ANKRD55: variants seen among roughly 807,000 people sequenced by gnomAD.
ANKRD55 encodes the protein ankyrin repeat domain-containing protein 55.
A neutral mutation model predicts 60.6 loss-of-function variants in ANKRD55; 41 were observed. The ratio of observed to expected loss-of-function variants is 0.68; its 90% CI spans 0.53 to 0.88. The LOEUF (loss-of-function observed/expected upper bound fraction) is 0.88, where lower values mean the gene tolerates loss of function less well. ANKRD55 is among the 40% of genes least tolerant of loss of function. The pLI is 0.00. For missense variants in ANKRD55, 732 were observed against 767.6 expected, an observed-to-expected ratio of 0.95 and a Z score of 0.55; for synonymous variants, 264 against 290.3, an observed-to-expected ratio of 0.91 and a Z score of 0.92.
At chr5:56,102,735 T>C (rs1756326807) in intron 10 of ANKRD55, 149 bp from the exon 11 acceptor site, 2 of 576,440 alleles carry the variant, frequency 3.5e-6, no homozygotes, top group South Asian at 2.1e-5. Flanking sequence ...AGCTACACTT[T>C]ATTGCATTTC....
At chr5:56,122,409 G>A (rs560914247) in intron 8 of ANKRD55, among the ~76,000 whole-genome samples, 33 of 152,174 alleles carry the variant, frequency 2.2e-4, no homozygotes, top group African/African-American at 6.5e-4. Flanking sequence ...CCAGCACTTC[G>A]GGAGGCTGAG....
intron 5 of ANKRD55, 108 bp downstream of exon 5, chr5:56,170,586 T>C: frequency 2.5e-6 from 2 of 786,326 alleles, no homozygotes; most frequent in South Asian, 2.2e-5. Context: ...AAAAAAAAGA[T>C]GGTTTTCTTT....
At chr5:56,179,896 A>T (rs1758818196) in intron 3 of ANKRD55, among the ~76,000 whole-genome samples, 1 of 152,172 alleles carries the variant, frequency 6.6e-6, no homozygotes. Flanking sequence ...AACTTTGAAT[A>T]CTCTAGATGG....
chr5:56,199,034 C>A (rs1278994514), intron 2 of ANKRD55, among the ~76,000 whole-genome samples: 1 of 151,950 alleles, frequency 6.6e-6, no homozygotes, highest in Non-Finnish European at 1.5e-5. Flanking sequence ...GAGCCGAGAT[C>A]GCGCCACTGC....
chr5:56,118,135 T>C (rs967893561), intron 8 of ANKRD55, among the ~76,000 whole-genome samples: 1 of 151,832 alleles, frequency 6.6e-6, no homozygotes, highest in African/African-American at 2.4e-5. Context: ...AGAGCAAGAC[T>C]CTGTCTCAAA....
In ANKRD55 at chr5:56,116,654, C is replaced by T. The variant is rs375979822; in HGVS notation, c.926G>A (p.Gly309Asp). The change falls in exon 9 of 12, where the codon GGT becomes GAT. Residue 309 changes from glycine (G) to aspartate (D), a missense_variant. Coordinates refer to ENST00000341048, the MANE Select transcript of ANKRD55 (RefSeq NM_024669.3). ...GAGGAGTTTGACACACGCCGTGTGA[C>T]CGCAGTACAGGGCATAGGCCAAGGG... ...STPLAYALYC[G>D]HTACVKLLSQ... 1.3e-4 allele frequency: 202 copies of T among 1,608,606 alleles called. No individual in the cohort carries two copies. The highest frequency in any genetic ancestry group is 1.6e-4 in the Non-Finnish European group (192 of 1,177,796).
At chr5:56,178,268 C>T (rs1403132342) in intron 3 of ANKRD55, among the ~76,000 whole-genome samples, 2 of 151,420 alleles carry the variant, frequency 1.3e-5, no homozygotes, top group African/African-American at 2.4e-5. Flanking sequence ...TGGCTCCCTG[C>T]AGCCTTGACC....
chr5:56,179,384 A>G (rs533578946), intron 3 of ANKRD55, among the ~76,000 whole-genome samples: 2 of 152,308 alleles, frequency 1.3e-5, no homozygotes, highest in East Asian at 1.9e-4. Flanking sequence ...AAAGATATAC[A>G]CCAGCTTCAG....
At chr5:56,213,566 C>T (rs1186578513) in intron 2 of ANKRD55, among the ~76,000 whole-genome samples, 1 of 150,304 alleles carries the variant, frequency 6.7e-6, no homozygotes, top group Non-Finnish European at 1.5e-5. Flanking sequence ...AATAGTACAA[C>T]ATATAAAACT....
chr5:56,141,563 T>C (rs144794498), intron 7 of ANKRD55, among the ~76,000 whole-genome samples: 9 of 152,308 alleles, frequency 5.9e-5, no homozygotes, highest in African/African-American at 1.9e-4. Flanking sequence ...CTGTGACATT[T>C]AGTAGAGACA....
At chr5:56,212,285 A>C (rs1428256988) in intron 2 of ANKRD55, among the ~76,000 whole-genome samples, 1 of 152,196 alleles carries the variant, frequency 6.6e-6, no homozygotes, top group African/African-American at 2.4e-5. Flanking sequence ...ACAAAGGAAA[A>C]ATAAGTGATT....
intron 9 of ANKRD55, among the ~76,000 whole-genome samples, chr5:56,112,504 C>CAAAAAAAAAAAAAA (rs1187255213): frequency 0.013 from 320 of 25,514 alleles, 36 homozygotes; most frequent in Non-Finnish European, 0.017. Flanking sequence ...TCATCTCTAG[C>CAAAAAAAAAAAAAA]AAAAAAAAAA....
intron 2 of ANKRD55, among the ~76,000 whole-genome samples, chr5:56,223,000 G>A (rs1332951731): frequency 2.6e-5 from 4 of 152,134 alleles, no homozygotes; most frequent in African/African-American, 9.7e-5. Flanking sequence ...GAAATACAGA[G>A]AATGCCACAA....
At chr5:56,140,380 C>G (rs1174173607) in intron 7 of ANKRD55, among the ~76,000 whole-genome samples, 7 of 152,160 alleles carry the variant, frequency 4.6e-5, no homozygotes, top group African/African-American at 1.7e-4. Context: ...TTCTCCAGAG[C>G]CGGGGTTCTT....
At chr5:56,195,584 C>T (rs760232251) in intron 2 of ANKRD55, among the ~76,000 whole-genome samples, 19 of 152,162 alleles carry the variant, frequency 1.2e-4, no homozygotes, top group South Asian at 4.1e-4. Context: ...GCTGGGATTA[C>T]AGGCGTGTGC....
At chr5:56,210,058 A>C (rs140877599) in intron 2 of ANKRD55, among the ~76,000 whole-genome samples, 4,102 of 152,120 alleles carry the variant, frequency 0.027, 56 homozygotes, top group Middle Eastern at 0.054. Context: ...CCCAGGCTGG[A>C]GTGCCGTGGC....
At chr5:56,208,576 C>T (rs1378247672) in intron 2 of ANKRD55, among the ~76,000 whole-genome samples, 1 of 151,878 alleles carries the variant, frequency 6.6e-6, no homozygotes, top group Non-Finnish European at 1.5e-5. Context: ...AGGCGCCCGC[C>T]ACCATGCCCA....
chr5:56,133,166 C>G (rs1757470453), intron 7 of ANKRD55, among the ~76,000 whole-genome samples: 1 of 152,122 alleles, frequency 6.6e-6, no homozygotes, highest in Non-Finnish European at 1.5e-5. Context: ...ATTGGCCGGG[C>G]ACGATGGCTC....
At chr5:56,200,422 C>CA (rs755083641) in intron 2 of ANKRD55, among the ~76,000 whole-genome samples, 1 of 151,834 alleles carries the variant, frequency 6.6e-6, no homozygotes, top group African/African-American at 2.4e-5. Flanking sequence ...TTTTCATGGT[C>CA]AAAAAACCTA....
Sources: allele counts gnomAD v4.1 joint callset (sites outside exome capture counted in the v4.1 genomes callset), GRCh38; gene constraint gnomAD v4.1.1; transcripts MANE v1.5; gene names NCBI Gene and HGNC (gene_info 2026-07-23, HGNC 2026-07-21).